Variants in WAPL observed in about 807,000 individuals in gnomAD.
The protein encoded by WAPL is wings apart-like protein homolog.
WAPL carries 5 observed loss-of-function variants against 121.0 expected under a neutral mutation model. That is an observed-to-expected ratio of 0.04 (90% CI 0.02 to 0.09). WAPL has a LOEUF of 0.09. Among genes scored for constraint, WAPL ranks in the 10% least tolerant of loss-of-function variants. The pLI is 1.00. For missense variants in WAPL, 999 were observed against 1,410.8 expected, an observed-to-expected ratio of 0.71 and a Z score of 4.68; for synonymous variants, 480 against 481.5, an observed-to-expected ratio of 1.00 and a Z score of 0.04.
At chr10:86,475,315 T>G (rs927302441) in intron 4 of WAPL, among the ~76,000 whole-genome samples, 1 of 152,196 alleles carries the variant, frequency 6.6e-6, no homozygotes, top group Non-Finnish European at 1.5e-5. Context: ...AATACATGGT[T>G]TGGACAAATT....
At position 86,472,352 on chromosome 10, in the gene WAPL, GAA is replaced by G; in HGVS notation, c.1894-10_1894-9del. Reference sequence around the variant, plus strand: ...CTGAACAACAGTATATAACTGCCAAGAAAAAAAAAGTTCACCCCTTTTTAACT... The same window carrying G: ...CTGAACAACAGTATATAACTGCCAAGAAAAAAAGTTCACCCCTTTTTAACT... On this transcript the variant is annotated splice_polypyrimidine_tract_variant and intron_variant, in intron 6 of 18. Transcript: ENST00000298767. This position sits in a 1 kb window ranked among gnomAD's most constrained non-coding sequence, Gnocchi z 4.2. The G allele has an allele frequency of 6.3e-7, 1 of 1,576,132 alleles. No homozygotes were observed. Among genetic ancestry groups the G allele is most frequent in the Non-Finnish European group, 8.6e-7 (1 of 1,169,074 alleles).
At chr10:86,513,615 C>T (rs1469024248) in intron 2 of WAPL, among the ~76,000 whole-genome samples, 1 of 152,162 alleles carries the variant, frequency 6.6e-6, no homozygotes, top group Non-Finnish European at 1.5e-5. Flanking sequence ...ACACCCGCAA[C>T]AAAATTTTTA....
intron 2 of WAPL, among the ~76,000 whole-genome samples, chr10:86,509,919 C>T (rs1000661550): frequency 9.2e-5 from 14 of 152,026 alleles, no homozygotes; most frequent in African/African-American, 3.4e-4. Context: ...CACCCGCCAC[C>T]GTGCCTGGCT....
Position 86,500,303 on chromosome 10 carries a change from G to C in WAPL, c.940C>G (p.Leu314Val). The C allele has an allele frequency of 6.2e-7, 1 of 1,614,210 alleles. No homozygotes were observed. The highest frequency in any genetic ancestry group is 1.1e-5 in the South Asian group (1 of 91,088). The change falls in exon 3 of 19, where the codon CTG becomes GTG. Residue 314 changes from leucine (L) to valine (V), a missense_variant. This residue lies in a region of WAPL where 531 missense variants were observed against 563.1 expected (regional missense o/e 0.94). Transcript: ENST00000298767. ...SSQGASNFDK[L>V]MDGTSQALAK... Reference sequence around the variant, plus strand: ...AAGGCCTGACTGGTGCCGTCCATCAGCTTATCAAAATTTGATGCTCCTTGG... The same window carrying C: ...AAGGCCTGACTGGTGCCGTCCATCACCTTATCAAAATTTGATGCTCCTTGG...
intron 3 of WAPL, among the ~76,000 whole-genome samples, chr10:86,498,504 A>G (rs1166303621): frequency 6.6e-6 from 1 of 152,212 alleles, no homozygotes; most frequent in Admixed American, 6.5e-5. Flanking sequence ...AAATAAAGCA[A>G]AATGGTAGGT....
chr10:86,520,522 CAAT>C (rs1842655001), intron 1 of WAPL, among the ~76,000 whole-genome samples: 4 of 152,078 alleles, frequency 2.6e-5, no homozygotes, highest in Admixed American at 6.6e-5. Context: ...TCGTTTCCCA[CAAT>C]AAAATGTCTT....
chr10:86,451,837 G>T, intron 15 of WAPL, 130 bp downstream of exon 15: 1 of 993,838 alleles, frequency 1.0e-6, no homozygotes, highest in Non-Finnish European at 1.5e-6. Context: ...AACTAAAAAG[G>T]CCGGGGGAGG....
chr10:86,472,060 G>T lies in WAPL; in HGVS notation c.2030+148C>A. 1 of 635,502 alleles carries T rather than the reference G, an allele frequency of 1.6e-6. No individual in the cohort carries two copies. The highest frequency in any genetic ancestry group is 2.4e-6 in the Non-Finnish European group (1 of 422,802). 39.4% of individuals were successfully genotyped at this position (635,502 alleles called of 1,614,324 possible). Reference sequence around the variant, plus strand: ...CATGCAGAATCAAATTCTTTATAAAGAAATGGATAGCATTTTAACATATCA... The same window carrying T: ...CATGCAGAATCAAATTCTTTATAAATAAATGGATAGCATTTTAACATATCA... On this transcript the variant is annotated intron_variant, in intron 7 of 18. Transcript: ENST00000298767. This position sits in a 1 kb window ranked among gnomAD's most constrained non-coding sequence, Gnocchi z 4.2.
At chr10:86,514,787 G>A (rs1000568934) in intron 2 of WAPL, among the ~76,000 whole-genome samples, 7 of 152,034 alleles carry the variant, frequency 4.6e-5, no homozygotes, top group Non-Finnish European at 8.8e-5. Context: ...TTACCTAAAC[G>A]TTCAACTTTA....
In WAPL at chr10:86,473,879, G is replaced by A. The variant is rs759274975; in HGVS notation, c.1739C>T (p.Thr580Ile). Residue 580 changes from threonine to isoleucine, a missense_variant and splice_region_variant, in exon 5 of 19, where the codon ACA becomes ATA. By Grantham distance (89) the Thr-to-Ile change is moderately conservative (BLOSUM62 -1). This residue lies in a region of WAPL where 74 missense variants were observed against 115.1 expected (regional missense o/e 0.64). Coordinates refer to ENST00000298767, the MANE Select transcript of WAPL (RefSeq NM_015045.5). ...GPPVVKPQSV[T>I]VRLSSKEPNQ... Reference sequence around the variant, plus strand: ...AATAAATAAGTACAGTTCACTTACTGTGACACTCTGAGGTTTTACTACTGG... The same window carrying A: ...AATAAATAAGTACAGTTCACTTACTATGACACTCTGAGGTTTTACTACTGG... The A allele has an allele frequency of 5.0e-6, 8 of 1,609,704 alleles. No homozygotes were observed. Among genetic ancestry groups the A allele is most frequent in the Non-Finnish European group, 6.0e-6 (7 of 1,176,202 alleles).
chr10:86,453,536 A>G (rs1262548707), intron 13 of WAPL, 120 bp downstream of exon 13: 2 of 1,279,972 alleles, frequency 1.6e-6, no homozygotes, highest in Non-Finnish European at 2.1e-6. Context: ...CACATGAGTA[A>G]GTCAAGTACA....
chr10:86,510,294 C>T (rs1253026297), intron 2 of WAPL, among the ~76,000 whole-genome samples: 1 of 151,932 alleles, frequency 6.6e-6, no homozygotes, highest in Non-Finnish European at 1.5e-5. Flanking sequence ...AGGCTGGTTT[C>T]GAACTCCTGA....
chr10:86,457,319 G>GT (rs1033187695), intron 12 of WAPL, among the ~76,000 whole-genome samples: 55 of 84,422 alleles, frequency 6.5e-4, no homozygotes, highest in Admixed American at 3.2e-3. Context: ...GCAAGACCCT[G>GT]TATCTATTAA....
rs1473847021 is a variant in WAPL at position 86,461,287 on chromosome 10, T to G, written c.2371A>C (p.Thr791Pro). The change falls in exon 10 of 19, where the codon ACT becomes CCT. Residue 791 changes from threonine (T) to proline (P), a missense_variant and splice_region_variant. By Grantham distance (38) the Thr-to-Pro change is conservative (BLOSUM62 -1). Transcript: ENST00000298767. ...NKHLDLENITTGHLAMETLLS... is the reference protein window; with the variant it reads ...NKHLDLENITPGHLAMETLLS... ...AATGTCTCCATAGCTAAATGCCCAG[T>G]CTAAAAACCAGAAGCATCATTAATG... 2 of 1,601,644 alleles carry G rather than the reference T, an allele frequency of 1.2e-6. No individual in the cohort carries two copies. The highest frequency in any genetic ancestry group is 1.7e-6 in the Non-Finnish European group (2 of 1,174,218).
At chr10:86,465,716 C>T (rs768733188) in intron 9 of WAPL, among the ~76,000 whole-genome samples, 22 of 152,064 alleles carry the variant, frequency 1.4e-4, no homozygotes, top group African/African-American at 4.1e-4. Flanking sequence ...ATGGGGATCC[C>T]GAGACACAGA....
chr10:86,479,326 C>T (rs1028174005), intron 4 of WAPL, among the ~76,000 whole-genome samples: 1 of 152,124 alleles, frequency 6.6e-6, no homozygotes, highest in African/African-American at 2.4e-5. Flanking sequence ...GGTGTGATTT[C>T]GGCTCACTGT....
chr10:86,468,043 T>G (rs1425894311), intron 8 of WAPL, among the ~76,000 whole-genome samples: 1 of 152,082 alleles, frequency 6.6e-6, no homozygotes, highest in African/African-American at 2.4e-5. Flanking sequence ...AAAATTTACC[T>G]TTCAATGGAT....
chr10:86,501,059 A>T (rs1165537388), intron 2 of WAPL, among the ~76,000 whole-genome samples: 3 of 152,218 alleles, frequency 2.0e-5, no homozygotes, highest in Non-Finnish European at 4.4e-5. Context: ...AAACCTTCTT[A>T]GGGGTATTAT....
chr10:86,493,953 A>G (rs1195922449), intron 4 of WAPL, among the ~76,000 whole-genome samples: 1 of 152,204 alleles, frequency 6.6e-6, no homozygotes, highest in Non-Finnish European at 1.5e-5. Flanking sequence ...TAGTAAGCTG[A>G]GATTGCGCCA....
Sources: gnomAD v4.1 joint callset for allele counts (sites outside exome capture counted in the v4.1 genomes callset) on GRCh38, gnomAD v4.1.1 for gene constraint, gnomAD v4.1.1 regional missense constraint, Gnocchi (gnomAD v3.1) non-coding constraint, MANE v1.5 for transcripts, NCBI Gene and HGNC (gene_info 2026-07-23, HGNC 2026-07-21) for gene names.